Variants in INTS4 observed in about 807,000 individuals in gnomAD.
The protein encoded by INTS4 is MSTP093.
INTS4 carries 70 observed loss-of-function variants against 119.5 expected under a neutral mutation model. That is an observed-to-expected ratio of 0.59 (90% CI 0.48 to 0.71). The LOEUF is 0.71. Among genes scored for constraint, INTS4 ranks in the 30% least tolerant of loss-of-function variants. The pLI, the probability that INTS4 is intolerant of heterozygous loss-of-function variation, is 0.00. For synonymous variants in INTS4, 316 were observed against 419.6 expected, an observed-to-expected ratio of 0.75 and a Z score of 3.02; for missense variants, 867 against 1,173.2, an observed-to-expected ratio of 0.74 and a Z score of 3.81.
intron 4 of INTS4, chr11:77,963,473 G>A (rs1476999654): frequency 4.7e-6 from 2 of 421,144 alleles, no homozygotes; most frequent in South Asian, 1.8e-5. Flanking sequence ...TACACATTTT[G>A]TCAGGCCATT....
intron 8 of INTS4, among the ~76,000 whole-genome samples, chr11:77,948,933 G>A (rs971191374): frequency 6.6e-6 from 1 of 152,134 alleles, no homozygotes; most frequent in African/African-American, 2.4e-5. Flanking sequence ...AGTTCTAAGA[G>A]ATAAGTGTAC....
At chr11:77,876,961 G>C (rs1298399033), downstream of INTS4, 1 of 703,334 alleles carries the variant, frequency 1.4e-6, no homozygotes, top group South Asian at 1.5e-5. Flanking sequence ...CTCCAACCCA[G>C]CAGCTGCCAT....
chr11:77,913,307 A>AT (rs565622764), intron 15 of INTS4, among the ~76,000 whole-genome samples: 13,940 of 122,820 alleles, frequency 0.11, 1,053 homozygotes, highest in Non-Finnish European at 0.16. Flanking sequence ...GTTAGTTTAA[A>AT]TTTTTTTTTT....
intron 4 of INTS4, 122 bp downstream of exon 4, chr11:77,978,874 C>T: frequency 1.6e-6 from 1 of 615,596 alleles, no homozygotes; most frequent in Non-Finnish European, 3.0e-6. Context: ...GTGTACTTAA[C>T]TTTATTCCTA....
At chr11:77,886,652 G>C (rs1952021617) in intron 21 of INTS4, among the ~76,000 whole-genome samples, 1 of 152,176 alleles carries the variant, frequency 6.6e-6, no homozygotes. Context: ...CAAGGGAATG[G>C]GCTTGGCGGA....
intron 19 of INTS4, 137 bp from the exon 20 acceptor site, chr11:77,891,977 G>A: frequency 7.2e-7 from 1 of 1,382,946 alleles, no homozygotes; most frequent in Non-Finnish European, 9.8e-7. Flanking sequence ...GACCAAGATA[G>A]ACTGGTACCT....
chr11:77,972,560 G>A (rs1474227235), intron 4 of INTS4, among the ~76,000 whole-genome samples: 1 of 151,780 alleles, frequency 6.6e-6, no homozygotes. Flanking sequence ...GGGATTACAG[G>A]TGTGTGCCAT....
chr11:77,917,461 G>A (rs1184015197), intron 15 of INTS4, among the ~76,000 whole-genome samples: 6 of 151,478 alleles, frequency 4.0e-5, no homozygotes, highest in African/African-American at 9.7e-5. Flanking sequence ...TTACAGGCGC[G>A]TGCCACCACA....
chr11:77,900,176 T>G (rs1952717865), intron 18 of INTS4, among the ~76,000 whole-genome samples: 1 of 152,014 alleles, frequency 6.6e-6, no homozygotes, highest in South Asian at 2.1e-4. Context: ...TTCGGCCCAC[T>G]GCAACCTCCA....
At chr11:77,963,493 T>A (rs1855347917) in intron 4 of INTS4, 1 of 407,812 alleles carries the variant, frequency 2.5e-6, no homozygotes, top group African/African-American at 2.1e-5. Flanking sequence ...TGAAGTGCCA[T>A]AATTTTTATA....
intron 4 of INTS4, among the ~76,000 whole-genome samples, chr11:77,975,931 G>A (rs1855932444): frequency 6.6e-6 from 1 of 151,196 alleles, no homozygotes; most frequent in African/African-American, 2.4e-5. Flanking sequence ...ACTCCAGCCT[G>A]GGTGACAGAG....
chr11:77,957,719 A>G (rs1181690032), intron 7 of INTS4, among the ~76,000 whole-genome samples: 1 of 124,404 alleles, frequency 8.0e-6, no homozygotes, highest in African/African-American at 3.2e-5. Context: ...CCCAGGCTGG[A>G]GTGCAGTGGT....
At chr11:77,954,496 G>T (rs962899353) in intron 8 of INTS4, among the ~76,000 whole-genome samples, 4 of 152,042 alleles carry the variant, frequency 2.6e-5, no homozygotes, top group Non-Finnish European at 4.4e-5. Context: ...GAGAAAATGA[G>T]AAAATATATG....
chr11:77,959,294 C>G (rs540832181), intron 6 of INTS4, among the ~76,000 whole-genome samples: 132 of 152,268 alleles, frequency 8.7e-4, no homozygotes, highest in Admixed American at 2.9e-3. Flanking sequence ...GAATACCTAC[C>G]CTTAGCTCTG....
intron 19 of INTS4, among the ~76,000 whole-genome samples, 179 bp downstream of exon 19, chr11:77,894,111 A>G (rs1022981258): frequency 5.3e-5 from 8 of 152,096 alleles, no homozygotes; most frequent in African/African-American, 1.9e-4. Context: ...AACATTAAGG[A>G]AAAAAACCAA....
chr11:77,960,166 C>T (rs1205496485), intron 6 of INTS4, among the ~76,000 whole-genome samples, 175 bp downstream of exon 6: 1 of 152,056 alleles, frequency 6.6e-6, no homozygotes, highest in Non-Finnish European at 1.5e-5. Flanking sequence ...AATTACATAA[C>T]CTCCATTCTC....
intron 18 of INTS4, among the ~76,000 whole-genome samples, chr11:77,896,100 C>G (rs1020517414): frequency 2.0e-5 from 3 of 152,054 alleles, no homozygotes; most frequent in Non-Finnish European, 2.9e-5. Context: ...GCACAGAAAA[C>G]TTTTTTAAAA....
In INTS4 at chr11:77,895,361, TTATTAAAATATAGTCTCCATGA is replaced by T. The variant is rs1192509845; in HGVS notation, c.2229-1034_2229-1013del. 2.6e-5 allele frequency among the ~76,000 whole-genome samples: 4 copies of T among 151,922 alleles called. No homozygotes were observed. The East Asian group carries it at 7.7e-4, about 29-fold the overall frequency. ...AGAATGATGTCAAGGTTTAGTCTTT[TTATTAAAATATAGTCTCCATGA>T]GTAGACTTTGTATTCTTCATCATAT... On this transcript the variant is annotated intron_variant, in intron 18 of 22. Transcript: ENST00000534064.
At chr11:77,940,171 G>A (rs1433918553) in intron 9 of INTS4, among the ~76,000 whole-genome samples, 1 of 152,140 alleles carries the variant, frequency 6.6e-6, no homozygotes, top group African/African-American at 2.4e-5. Context: ...GCTCACATCT[G>A]TAATCCCAGC....
Sources: gnomAD v4.1 joint callset for allele counts (sites outside exome capture counted in the v4.1 genomes callset) on GRCh38, gnomAD v4.1.1 for gene constraint, MANE v1.5 for transcripts, NCBI Gene and HGNC (gene_info 2026-07-23, HGNC 2026-07-21) for gene names.